The following DKK2 variants were observed in gnomAD, a reference collection of about 807,000 sequenced individuals.
DKK2 encodes the protein dickkopf-related protein 2.
Under a neutral mutation model 28.1 loss-of-function variants are expected in DKK2, and 11 were observed. That is an observed-to-expected ratio of 0.39 (90% CI 0.25 to 0.65). The LOEUF (loss-of-function observed/expected upper bound fraction) is 0.65. Among genes scored for constraint, DKK2 ranks in the 30% least tolerant of loss-of-function variants. The pLI, the probability that DKK2 is intolerant of heterozygous loss-of-function variation, is 0.47. For synonymous variants in DKK2, 135 were observed against 126.5 expected, an observed-to-expected ratio of 1.07 and a Z score of -0.45; for missense variants, 326 against 335.5, an observed-to-expected ratio of 0.97 and a Z score of 0.22.
intron 1 of DKK2, among the ~76,000 whole-genome samples, chr4:106,958,837 C>CAAAAAAAAAAAA (rs767389620): frequency 1.5e-5 from 1 of 66,990 alleles, no homozygotes; most frequent in Non-Finnish European, 3.4e-5. Context: ...AACTCAATCT[C>CAAAAAAAAAAAA]AAAAAAAAAA....
chr4:106,960,117 T>C (rs1722663585), intron 1 of DKK2, among the ~76,000 whole-genome samples: 1 of 133,276 alleles, frequency 7.5e-6, no homozygotes, highest in African/African-American at 2.6e-5. Flanking sequence ...AAAAATGTTA[T>C]ATATATATAT....
rs141482130 is a variant in DKK2 at position 107,035,526 on chromosome 4, C to T, written c.66G>A (p.Met22Ile). ...CCLLLLAAVL[M>I]VESSQIGSSR... is the part of the protein sequence containing the mutation. ...AACTGCCGATCTGTGAGCTCTCCAC[C>T]ATCAGCACCGCGGCCAGTAGGAGCA... Residue 22 changes from methionine to isoleucine, a missense_variant, in exon 1 of 4, where the codon ATG becomes ATA. Coordinates refer to ENST00000285311, the MANE Select transcript of DKK2 (RefSeq NM_014421.3). 57 of 1,614,088 alleles carry T rather than the reference C, an allele frequency of 3.5e-5. No individual in the cohort carries two copies. The highest frequency in any genetic ancestry group is 4.3e-5 in the Non-Finnish European group (51 of 1,180,044).
chr4:106,971,546 C>T (rs896576265), intron 1 of DKK2, among the ~76,000 whole-genome samples: 1 of 151,980 alleles, frequency 6.6e-6, no homozygotes, highest in Non-Finnish European at 1.5e-5. Context: ...CTAAGTGATG[C>T]TTTAAAGTCT....
intron 1 of DKK2, among the ~76,000 whole-genome samples, chr4:107,008,849 T>A (rs986701972): frequency 3.3e-5 from 5 of 151,986 alleles, no homozygotes; most frequent in Non-Finnish European, 7.4e-5. Context: ...ACTAATAATA[T>A]AGAAGAGTTT....
At chr4:107,007,879 A>G (rs1723459171) in intron 1 of DKK2, among the ~76,000 whole-genome samples, 2 of 152,146 alleles carry the variant, frequency 1.3e-5, no homozygotes, top group Admixed American at 6.6e-5. Context: ...CTTCCAGTGA[A>G]TAGTAGGAGG....
chr4:106,985,524 G>C (rs1174908119), intron 1 of DKK2, among the ~76,000 whole-genome samples: 1 of 151,894 alleles, frequency 6.6e-6, no homozygotes, highest in Non-Finnish European at 1.5e-5. Flanking sequence ...AAATTAAGAC[G>C]GGGGCCAGGC....
intron 1 of DKK2, among the ~76,000 whole-genome samples, chr4:107,012,907 C>T (rs1157236649): frequency 1.3e-5 from 2 of 150,532 alleles, no homozygotes; most frequent in Non-Finnish European, 3.0e-5. Context: ...TATATTATCT[C>T]TTAATATATT....
intron 1 of DKK2, among the ~76,000 whole-genome samples, chr4:106,948,445 G>T (rs1724810901): frequency 6.6e-6 from 1 of 152,120 alleles, no homozygotes; most frequent in Non-Finnish European, 1.5e-5. Flanking sequence ...AACTCATTCA[G>T]GGATGGTTAT....
chr4:106,994,536 T>C lies in DKK2; in HGVS notation c.222+40834A>G, dbSNP rs188995726. Among the ~76,000 whole-genome samples the C allele has an allele frequency of 1.6e-3, 235 of 151,456 alleles. 3 individuals carry two copies. Among genetic ancestry groups the C allele is most frequent in the African/African-American group, 5.6e-3 (231 of 41,258 alleles). On this transcript the variant is annotated intron_variant, in intron 1 of 3. Transcript: ENST00000285311. The stretch of plus-strand genomic sequence containing the variant: ...ACACACACATAGGACAAGTTCACAA[T>C]TAAAGTTTATAATAATTTTTAAATT...
At chr4:106,962,747 C>T (rs369120056) in intron 1 of DKK2, among the ~76,000 whole-genome samples, 91 of 151,976 alleles carry the variant, frequency 6.0e-4, no homozygotes, top group African/African-American at 2.1e-3. Context: ...CAAAGCAAAA[C>T]AGATAAATGG....
At chr4:106,947,171 G>A (rs1724789689) in intron 1 of DKK2, among the ~76,000 whole-genome samples, 1 of 152,076 alleles carries the variant, frequency 6.6e-6, no homozygotes, top group Non-Finnish European at 1.5e-5. Context: ...GGAAATGAAT[G>A]GATATGATCA....
At chr4:107,011,695 G>GTA (rs1355970954) in intron 1 of DKK2, among the ~76,000 whole-genome samples, 4 of 150,774 alleles carry the variant, frequency 2.7e-5, no homozygotes, top group African/African-American at 7.3e-5. Context: ...GTCTGAGTGT[G>GTA]TGTGTGTGTG....
chr4:107,026,429 A>G (rs1723779955), intron 1 of DKK2, among the ~76,000 whole-genome samples: 1 of 152,206 alleles, frequency 6.6e-6, no homozygotes, highest in Admixed American at 6.5e-5. Context: ...ATTTGTGCAT[A>G]TTATATTAAC....
At chr4:106,978,797 G>GAA (rs71590173) in intron 1 of DKK2, among the ~76,000 whole-genome samples, 4,366 of 150,092 alleles carry the variant, frequency 0.029, 81 homozygotes, top group African/African-American at 0.04. Context: ...TGATAAAAAA[G>GAA]AAAAAGAAAA....
At chr4:106,951,668 A>T (rs1724861755) in intron 1 of DKK2, among the ~76,000 whole-genome samples, 1 of 152,176 alleles carries the variant, frequency 6.6e-6, no homozygotes. Flanking sequence ...ACAGGCTTAG[A>T]ACTATATGTG....
chr4:107,030,826 C>T (rs1280059067), intron 1 of DKK2, among the ~76,000 whole-genome samples: 1 of 151,946 alleles, frequency 6.6e-6, no homozygotes, highest in African/African-American at 2.4e-5. Context: ...TTTCCTAGAT[C>T]AGAATATACT....
intron 1 of DKK2, among the ~76,000 whole-genome samples, chr4:106,984,610 TG>T (rs1475129402): frequency 6.6e-6 from 1 of 152,216 alleles, no homozygotes; most frequent in East Asian, 1.9e-4. Context: ...AATCTCATAT[TG>T]TATGTATATA....
At chr4:106,938,907 A>G (rs1435879128) in intron 1 of DKK2, among the ~76,000 whole-genome samples, 1 of 151,600 alleles carries the variant, frequency 6.6e-6, no homozygotes. Flanking sequence ...GACAAAATTC[A>G]ACAACCCTTC....
intron 1 of DKK2, among the ~76,000 whole-genome samples, chr4:106,942,953 AG>A (rs1724722791): frequency 6.6e-6 from 1 of 152,090 alleles, no homozygotes; most frequent in South Asian, 2.1e-4. Flanking sequence ...CTACTTCTCC[AG>A]GTCTTGTATT....
Sources: allele counts gnomAD v4.1 joint callset (sites outside exome capture counted in the v4.1 genomes callset), GRCh38; gene constraint gnomAD v4.1.1; transcripts MANE v1.5; gene names NCBI Gene and HGNC (gene_info 2026-07-23, HGNC 2026-07-21).